The following WDR27 variants were observed in gnomAD, a reference collection of about 807,000 sequenced individuals.
WDR27 encodes the protein WD repeat-containing protein 27.
In WDR27, 100 loss-of-function variants were observed where a neutral mutation model predicts 114.4. That is an observed-to-expected ratio of 0.87 (90% confidence interval 0.74 to 1.03). The LOEUF (loss-of-function observed/expected upper bound fraction) is 1.03. Ranked by LOEUF, WDR27 falls within the 50% of genes least tolerant of loss-of-function variation. The pLI is 0.00. For synonymous variants in WDR27, 449 were observed against 423.1 expected (o/e 1.06, Z -0.75); for missense variants, 1,129 against 1,092.9 (o/e 1.03, Z -0.47).
chr6:169,641,691 G>A (rs374236083), intron 17 of WDR27, among the ~76,000 whole-genome samples: 3 of 152,208 alleles, frequency 2.0e-5, no homozygotes, highest in African/African-American at 7.2e-5. Flanking sequence ...AAGAGCTCGG[G>A]ACCAGGAGAG....
rs1304186610 is a variant in WDR27 at position 169,664,162 on chromosome 6, C to T, written c.904+4G>A. 6.3e-7 allele frequency: 1 copy of T among 1,581,196 alleles called. No individual in the cohort carries two copies. The highest frequency in any genetic ancestry group is 8.6e-7 in the Non-Finnish European group (1 of 1,163,820). Reference sequence around the variant, plus strand: ...AGGCCTGAGGGAGGGTCTGAGCAACCCACCTGGCTGGCTGCACAGCCCAGA... The same window carrying T: ...AGGCCTGAGGGAGGGTCTGAGCAACTCACCTGGCTGGCTGCACAGCCCAGA... On this transcript the variant is annotated splice_donor_region_variant and intron_variant, in intron 8 of 25. Transcript: ENST00000448612.
At chr6:169,466,267 T>A (rs1048946235) in intron 25 of WDR27, among the ~76,000 whole-genome samples, 3 of 152,154 alleles carry the variant, frequency 2.0e-5, no homozygotes, top group Non-Finnish European at 2.9e-5. Flanking sequence ...TATGCCGTAG[T>A]ATTAGTCTGT....
intron 25 of WDR27, among the ~76,000 whole-genome samples, chr6:169,523,678 G>A (rs2128068534): frequency 6.6e-6 from 1 of 151,722 alleles, no homozygotes; most frequent in East Asian, 1.9e-4. Context: ...ACAGAATTAA[G>A]GATAAAAACT....
chr6:169,428,182 C>T, the WDR27 span, among the ~76,000 whole-genome samples: 1 of 152,124 alleles, frequency 6.6e-6, no homozygotes, highest in African/African-American at 2.4e-5. Flanking sequence ...TGGAAACCCC[C>T]AGCCTTTCCC....
At chr6:169,686,210 AG>A (rs1782912330) in intron 2 of WDR27, among the ~76,000 whole-genome samples, 1 of 152,162 alleles carries the variant, frequency 6.6e-6, no homozygotes, top group Non-Finnish European at 1.5e-5. Context: ...TTTATCCGGA[AG>A]GAGAAGGATG....
intron 25 of WDR27, among the ~76,000 whole-genome samples, chr6:169,525,483 C>A (rs529122832): frequency 5.1e-4 from 77 of 150,230 alleles, no homozygotes; most frequent in African/African-American, 1.8e-3. Flanking sequence ...TTGCAGTGAG[C>A]CGAGCTTGGG....
chr6:169,573,303 T>C (rs552463633), intron 24 of WDR27, among the ~76,000 whole-genome samples: 2 of 152,290 alleles, frequency 1.3e-5, no homozygotes, highest in African/African-American at 2.4e-5. Context: ...AAATGCAAAA[T>C]TGAAAATAAA....
At chr6:169,625,651 C>A (rs974927402) in intron 21 of WDR27, among the ~76,000 whole-genome samples, 2 of 152,348 alleles carry the variant, frequency 1.3e-5, no homozygotes, top group Middle Eastern at 3.4e-3. Flanking sequence ...AGGAAACCGG[C>A]AGGCAGGTGC....
chr6:169,428,086 A>G, the WDR27 span, among the ~76,000 whole-genome samples: 2 of 152,192 alleles, frequency 1.3e-5, no homozygotes, highest in Admixed American at 1.3e-4. Context: ...CAGAGGGCTG[A>G]GTCATCACTC....
At position 169,645,925 on chromosome 6, in the gene WDR27, T is replaced by A. The variant is rs142039335; in HGVS notation, c.1657+1848A>T. On this transcript the variant is annotated intron_variant, in intron 16 of 25. Coordinates refer to ENST00000448612, the MANE Select transcript of WDR27 (RefSeq NM_182552.5). Reference sequence around the variant, plus strand: ...GTTCACAGGGTCACACTGTAGAAAATCCTAGTTCACAGGAGTCACACTGTA... The same window carrying A: ...GTTCACAGGGTCACACTGTAGAAAAACCTAGTTCACAGGAGTCACACTGTA... Among the ~76,000 whole-genome samples the A allele has an allele frequency of 3.0e-4, 43 of 142,130 alleles. No individual in the cohort carries two copies. In the Middle Eastern group the frequency reaches 0.024, roughly 79 times the overall value. 93.2% of individuals were successfully genotyped at this position (142,130 alleles called of 152,430 possible). A position where few individuals can be genotyped will look rare whatever the true frequency, so the allele number is the denominator to read the frequency against.
At position 169,659,005 on chromosome 6, in the gene WDR27, A is replaced by T. The variant is rs995356918; in HGVS notation, c.1319+81T>A. ...CCCGGCCAGAGCTCAGAGTTTTCTA[A>T]TCTTTATTTCTGAACATAGAAATCC... On this transcript the variant is annotated intron_variant, in intron 12 of 25. Coordinates refer to ENST00000448612, the MANE Select transcript of WDR27 (RefSeq NM_182552.5). This position sits in a 1 kb window ranked among gnomAD's most constrained non-coding sequence, Gnocchi z 4.3. 1 of 1,463,006 alleles carries T rather than the reference A, an allele frequency of 6.8e-7. No individual in the cohort carries two copies. The highest frequency in any genetic ancestry group is 2.6e-5 in the Admixed American group (1 of 38,014). The allele number at this position is 1,463,006 out of a possible 1,614,324, so 90.6% of individuals were successfully genotyped here.
At chr6:169,672,486 A>C in intron 2 of WDR27, 90 bp from the exon 3 acceptor site, 1 of 1,308,052 alleles carries the variant, frequency 7.6e-7, no homozygotes, top group South Asian at 1.7e-5. Flanking sequence ...AAATTAAAAG[A>C]TTGAGTTTTT....
intron 2 of WDR27, among the ~76,000 whole-genome samples, chr6:169,677,673 A>C (rs976275122): frequency 5.9e-5 from 9 of 152,252 alleles, no homozygotes; most frequent in Non-Finnish European, 1.2e-4. Context: ...AAAGGCCTCC[A>C]AGACATTCCA....
intron 20 of WDR27, 120 bp downstream of exon 20, chr6:169,634,308 T>C: frequency 3.2e-6 from 2 of 633,626 alleles, no homozygotes; most frequent in Non-Finnish European, 5.5e-6. Flanking sequence ...ATGAGAAGGG[T>C]CCCTGCATTC....
rs935732190 is a variant in WDR27, at chr6:169,701,210, G to GT, written c.-8+340dup. ...CACTGATAAAATCCTGTGCATTTCC[G>GT]TTTTTTTAATGTACATACGAATATT... On this transcript the variant is annotated intron_variant, in intron 1 of 25. Transcript: ENST00000448612. Among the ~76,000 whole-genome samples, 6 of 152,116 alleles carry GT rather than the reference G, an allele frequency of 3.9e-5. 1 individual carries two copies. In the East Asian group the frequency reaches 7.7e-4, roughly 20 times the overall value.
chr6:169,530,210 T>C (rs1490447535), intron 25 of WDR27, among the ~76,000 whole-genome samples: 1 of 152,216 alleles, frequency 6.6e-6, no homozygotes, highest in Admixed American at 6.5e-5. Flanking sequence ...CCATCTTCCA[T>C]GGCCATAGCT....
At chr6:169,620,423 G>A (rs960658764) in intron 21 of WDR27, among the ~76,000 whole-genome samples, 1 of 152,158 alleles carries the variant, frequency 6.6e-6, no homozygotes, top group African/African-American at 2.4e-5. Flanking sequence ...AGGCTTCCCT[G>A]AAACAAATGC....
At chr6:169,459,913 C>T (rs1363216633) in intron 25 of WDR27, among the ~76,000 whole-genome samples, 1 of 152,110 alleles carries the variant, frequency 6.6e-6, no homozygotes, top group Non-Finnish European at 1.5e-5. Context: ...ATAAATGAAG[C>T]TGAGGAAGTT....
intron 25 of WDR27, among the ~76,000 whole-genome samples, chr6:169,530,687 A>ACT (rs1227043749): frequency 2.0e-5 from 3 of 152,224 alleles, no homozygotes; most frequent in Non-Finnish European, 4.4e-5. Flanking sequence ...GCCCAGCAGC[A>ACT]GCTCAGCCTT....
Sources: allele counts gnomAD v4.1 joint callset (sites outside exome capture counted in the v4.1 genomes callset), GRCh38; gene constraint gnomAD v4.1.1; non-coding constraint Gnocchi (gnomAD v3.1); transcripts MANE v1.5; gene names NCBI Gene and HGNC (gene_info 2026-07-23, HGNC 2026-07-21).